VTI1A: variants seen among roughly 807,000 people sequenced by gnomAD.
VTI1A encodes the protein vesicle transport through interaction with t-SNAREs 1A, also known as vesicle transport through interaction with t-SNAREs homolog 1A.
In VTI1A, 22 loss-of-function variants were observed where a neutral mutation model predicts 34.9. The observed-to-expected ratio is 0.63, with a 90% CI of 0.45 to 0.90. The LOEUF is 0.90. VTI1A is among the 40% of genes least tolerant of loss of function. VTI1A has a pLI of 0.00. For synonymous variants in VTI1A, 87 were observed against 97.3 expected (o/e 0.89, Z 0.62); for missense variants, 268 against 275.6 (o/e 0.97, Z 0.20).
Position 112,670,334 on chromosome 10 carries a change from T to TA in VTI1A, c.560+1344dup, listed in dbSNP as rs750194895. On this transcript the variant is annotated intron_variant, in intron 7 of 7. Coordinates refer to ENST00000393077, the MANE Select transcript of VTI1A (RefSeq NM_145206.4). The stretch of plus-strand genomic sequence containing the variant: ...CAGAAATCATTCATCATTTTTAGTG[T>TA]AAAAAAAATGATGTGGTTATTTAAA... Among the ~76,000 whole-genome samples, 134 of 152,060 alleles carry TA rather than the reference T, an allele frequency of 8.8e-4. 1 individual carries two copies. The highest frequency in any genetic ancestry group is 4.4e-4 in the Non-Finnish European group (30 of 67,952).
intron 5 of VTI1A, among the ~76,000 whole-genome samples, chr10:112,619,660 T>C (rs539126319): frequency 5.9e-4 from 90 of 152,354 alleles, no homozygotes; most frequent in African/African-American, 2.1e-3. Context: ...ATGCACACAA[T>C]CGTCATTCTC....
At chr10:112,620,418 T>C (rs1845687105) in intron 5 of VTI1A, among the ~76,000 whole-genome samples, 1 of 152,174 alleles carries the variant, frequency 6.6e-6, no homozygotes, top group Non-Finnish European at 1.5e-5. Flanking sequence ...AAACTACTTA[T>C]AGGCCTATAA....
At chr10:112,595,506 A>C (rs1844596503) in intron 5 of VTI1A, among the ~76,000 whole-genome samples, 1 of 152,240 alleles carries the variant, frequency 6.6e-6, no homozygotes, top group Non-Finnish European at 1.5e-5. Flanking sequence ...GGCAAAGGAC[A>C]TGAACGACAC....
intron 7 of VTI1A, among the ~76,000 whole-genome samples, chr10:112,691,319 G>T (rs1196194118): frequency 4.6e-5 from 7 of 151,890 alleles, no homozygotes; most frequent in Admixed American, 2.6e-4. Flanking sequence ...AAGTTCCACA[G>T]ATAATTGGTA....
intron 3 of VTI1A, 151 bp from the exon 4 acceptor site, chr10:112,526,936 A>G: frequency 1.7e-6 from 1 of 590,738 alleles, no homozygotes; most frequent in Non-Finnish European, 2.9e-6. Flanking sequence ...AAGTTCAGGA[A>G]CTTTACACAA....
chr10:112,683,561 C>T (rs530567741), intron 7 of VTI1A, among the ~76,000 whole-genome samples: 1 of 152,120 alleles, frequency 6.6e-6, no homozygotes, highest in South Asian at 2.1e-4. Context: ...TTTTTAATCC[C>T]TGTACCTTGA....
chr10:112,770,577 T>TA (rs1554960242), intron 7 of VTI1A, among the ~76,000 whole-genome samples: 8 of 150,946 alleles, frequency 5.3e-5, no homozygotes, highest in East Asian at 2.0e-4. Context: ...TTTTTTTTTT[T>TA]ATGTATTTTT....
intron 7 of VTI1A, among the ~76,000 whole-genome samples, chr10:112,726,266 C>T (rs1052983426): frequency 6.6e-6 from 1 of 152,312 alleles, no homozygotes; most frequent in South Asian, 2.1e-4. Context: ...AAATCAGATA[C>T]CCCAGCTCAT....
intron 5 of VTI1A, among the ~76,000 whole-genome samples, chr10:112,632,880 G>A (rs1846188288): frequency 6.6e-6 from 1 of 152,136 alleles, no homozygotes; most frequent in African/African-American, 2.4e-5. Context: ...TACTTACTTA[G>A]TTGTATCTAT....
chr10:112,462,896 T>TTTTATTTATTTA (rs59884374), intron 2 of VTI1A, among the ~76,000 whole-genome samples: 264 of 144,834 alleles, frequency 1.8e-3, no homozygotes, highest in Non-Finnish European at 2.6e-3. Flanking sequence ...TGTTACTGGT[T>TTTTATTTATTTA]TTTATTTATT....
chr10:112,529,665 G>A (rs1850357295), intron 4 of VTI1A, among the ~76,000 whole-genome samples: 1 of 151,666 alleles, frequency 6.6e-6, no homozygotes, highest in Admixed American at 6.6e-5. Flanking sequence ...CTATATAAAT[G>A]GATAAAACTT....
intron 5 of VTI1A, among the ~76,000 whole-genome samples, chr10:112,552,295 A>C (rs1370530835): frequency 6.6e-6 from 1 of 152,176 alleles, no homozygotes; most frequent in Non-Finnish European, 1.5e-5. Flanking sequence ...AATATGTATT[A>C]AGTTTTATTT....
chr10:112,598,401 A>G (rs548414034), intron 5 of VTI1A, among the ~76,000 whole-genome samples: 66 of 152,306 alleles, frequency 4.3e-4, no homozygotes, highest in Non-Finnish European at 6.6e-4. Flanking sequence ...TCTCCTCTTT[A>G]GCCTTTGACT....
chr10:112,685,688 T>A (rs1336757565), intron 7 of VTI1A, among the ~76,000 whole-genome samples: 3 of 152,246 alleles, frequency 2.0e-5, no homozygotes, highest in Non-Finnish European at 2.9e-5. Context: ...TTCTGTAGTA[T>A]TGATTTTTCC....
chr10:112,747,552 C>T (rs777935688), intron 7 of VTI1A, among the ~76,000 whole-genome samples: 2 of 152,142 alleles, frequency 1.3e-5, no homozygotes, highest in Non-Finnish European at 2.9e-5. Flanking sequence ...CCGTTGTTGA[C>T]CAAAACGTTG....
chr10:112,470,792 C>T (rs980314696), intron 3 of VTI1A, among the ~76,000 whole-genome samples: 1 of 152,022 alleles, frequency 6.6e-6, no homozygotes, highest in South Asian at 2.1e-4. Flanking sequence ...CTTGGGAGGC[C>T]GAGGCCTCCC....
intron 7 of VTI1A, among the ~76,000 whole-genome samples, chr10:112,747,151 C>T (rs911446066): frequency 5.9e-5 from 9 of 152,176 alleles, no homozygotes; most frequent in Admixed American, 2.0e-4. Context: ...TTTCCCTCCT[C>T]GGGACTCCAC....
chr10:112,766,315 C>T (rs1212115808), intron 7 of VTI1A, among the ~76,000 whole-genome samples: 1 of 152,096 alleles, frequency 6.6e-6, no homozygotes, highest in Non-Finnish European at 1.5e-5. Context: ...AGATGGTAGC[C>T]AGTACTTTCA....
intron 5 of VTI1A, among the ~76,000 whole-genome samples, chr10:112,620,661 G>A (rs1249923794): frequency 2.0e-5 from 3 of 151,870 alleles, no homozygotes; most frequent in Non-Finnish European, 4.4e-5. Context: ...ATGGTGGTGG[G>A]CGCCTGTAAT....
Sources: gnomAD v4.1 joint callset for allele counts (sites outside exome capture counted in the v4.1 genomes callset) on GRCh38, gnomAD v4.1.1 for gene constraint, MANE v1.5 for transcripts, NCBI Gene and HGNC (gene_info 2026-07-23, HGNC 2026-07-21) for gene names.